Variants in ADAMTS9 observed in about 807,000 individuals in gnomAD.
ADAMTS9 encodes ADAM metallopeptidase with thrombospondin type 1 motif 9.
A neutral mutation model predicts 257.1 loss-of-function variants in ADAMTS9; 107 were observed. The ratio of observed to expected loss-of-function variants is 0.42; its 90% CI spans 0.36 to 0.49. ADAMTS9 has a LOEUF of 0.49. Among genes scored for constraint, ADAMTS9 ranks in the 20% least tolerant of loss-of-function variants. The pLI, the probability that ADAMTS9 is intolerant of heterozygous loss-of-function variation, is 0.03. For synonymous variants in ADAMTS9, 982 were observed against 880.9 expected (o/e 1.11, Z -2.03); for missense variants, 2,353 against 2,469.1 (o/e 0.95, Z 1.00).
chr3:64,546,797 G>C lies in ADAMTS9; in HGVS notation c.5025C>G (p.Cys1675Trp). The change falls in exon 32 of 40, where the codon TGC becomes TGG. Residue 1675 changes from cysteine to tryptophan, a missense_variant. This residue lies in a region of ADAMTS9 where 1,402 missense variants were observed against 1,441.4 expected (regional missense o/e 0.97). Transcript: ENST00000498707. ...CAACTCTCCAGGTGGCCGAGACAGG[G>C]CAGTCCCTCAGGTAACAGGGGTGAA... is the stretch of plus-strand genomic sequence containing the variant. ...PSVHPCYLRD[C>W]PVSATWRVGN... 3.1e-6 allele frequency: 5 copies of C among 1,612,772 alleles called. No individual in the cohort carries two copies. The highest frequency in any genetic ancestry group is 4.2e-6 in the Non-Finnish European group (5 of 1,179,402).
chr3:64,645,125 C>A (rs1700754562), intron 11 of ADAMTS9, among the ~76,000 whole-genome samples: 1 of 152,016 alleles, frequency 6.6e-6, no homozygotes, highest in Non-Finnish European at 1.5e-5. Context: ...AATCACATAG[C>A]AAAATTACTA....
chr3:64,566,226 T>A (rs2106671087), intron 29 of ADAMTS9, among the ~76,000 whole-genome samples: 1 of 152,316 alleles, frequency 6.6e-6, no homozygotes, highest in East Asian at 1.9e-4. Context: ...AGGAAGCCAA[T>A]AATCTTTAAT....
intron 30 of ADAMTS9, among the ~76,000 whole-genome samples, chr3:64,555,679 G>A (rs1019151871): frequency 6.6e-6 from 1 of 152,190 alleles, no homozygotes; most frequent in Non-Finnish European, 1.5e-5. Flanking sequence ...CCATGATGCT[G>A]CAAAGGTGGG....
Position 64,622,346 on chromosome 3 carries a change from A to G in ADAMTS9, c.2557-19T>C. 1.2e-6 allele frequency: 2 copies of G among 1,613,194 alleles called. No individual in the cohort carries two copies. The highest frequency in any genetic ancestry group is 1.3e-5 in the African/African-American group (1 of 74,898). ...ACAAAACCTAGAATGTGTGGACAAA[A>G]CAGAAACGAACTGGGTGGGCTTAGT... On this transcript the variant is annotated intron_variant, in intron 17 of 39. Coordinates refer to ENST00000498707, the MANE Select transcript of ADAMTS9 (RefSeq NM_182920.2).
At chr3:64,639,786 A>G (rs553822000) in intron 12 of ADAMTS9, among the ~76,000 whole-genome samples, 1 of 152,340 alleles carries the variant, frequency 6.6e-6, no homozygotes, top group South Asian at 2.1e-4. Flanking sequence ...AGCTTCAACA[A>G]TACAAGCAAC....
At chr3:64,542,426 C>CT (rs1301932591) in intron 32 of ADAMTS9, among the ~76,000 whole-genome samples, 3 of 20,892 alleles carry the variant, frequency 1.4e-4, no homozygotes, top group Non-Finnish European at 2.4e-4. Flanking sequence ...TCATTTCTTT[C>CT]TTTCTTTTTT....
Position 64,541,348 on chromosome 3 carries a change from C to G in ADAMTS9, c.5359G>C (p.Glu1787Gln). 1 of 1,614,166 alleles carries G rather than the reference C, an allele frequency of 6.2e-7. No homozygotes were observed. Among genetic ancestry groups the G allele is most frequent in the East Asian group, 2.2e-5 (1 of 44,874 alleles). Residue 1787 changes from glutamate to glutamine, a missense_variant, in exon 35 of 40, where the codon GAG becomes CAG. Transcript: ENST00000498707. ...EYVTLVHGDS[E>Q]NFSEVYGHRL... is the part of the protein sequence containing the mutation. ...TGCCCATAAACCTCGGAGAAATTCTCAGAGTCTCCATGCACCAGTGTCACG... is the reference window on the plus strand; with the variant it reads ...TGCCCATAAACCTCGGAGAAATTCTGAGAGTCTCCATGCACCAGTGTCACG...
At chr3:64,556,554 T>G (rs2083335300) in intron 30 of ADAMTS9, among the ~76,000 whole-genome samples, 1 of 152,178 alleles carries the variant, frequency 6.6e-6, no homozygotes, top group Non-Finnish European at 1.5e-5. Flanking sequence ...ACTCTGGGGC[T>G]CAATGATCCT....
intron 6 of ADAMTS9, 74 bp from the exon 7 acceptor site, chr3:64,654,686 G>T (rs961353127): frequency 6.5e-7 from 1 of 1,528,344 alleles, no homozygotes; most frequent in Non-Finnish European, 9.0e-7. Context: ...CTTTAGGGTC[G>T]TCTAGGCATT....
chr3:64,668,861 G>C (rs1701413135), intron 3 of ADAMTS9, among the ~76,000 whole-genome samples: 1 of 152,160 alleles, frequency 6.6e-6, no homozygotes, highest in South Asian at 2.1e-4. Context: ...AAGCGCAGTT[G>C]GGCTGGAGCT....
chr3:64,604,038 C>T lies in ADAMTS9; in HGVS notation c.3631G>A (p.Asp1211Asn). ...GTRMRYVSCRDENGSVADESA... is the reference protein window; with the variant it reads ...GTRMRYVSCRNENGSVADESA... ...TCGTCAGCCACAGAGCCATTCTCAT[C>T]TCGGCAGCTGACGTATCTCATCCGG... Residue 1211 changes from aspartate (D) to asparagine (N), a missense_variant, in exon 25 of 40, where the codon GAT (aspartate) becomes AAT (asparagine). Around this residue, in one of 3 missense-constraint regions of ADAMTS9, gnomAD observed 1,402 missense variants for 1,441.4 expected, o/e 0.97. Transcript: ENST00000498707. 8 of 1,614,126 alleles carry T rather than the reference C, an allele frequency of 5.0e-6. No individual in the cohort carries two copies. The highest frequency in any genetic ancestry group is 5.9e-6 in the Non-Finnish European group (7 of 1,180,000).
intron 27 of ADAMTS9, among the ~76,000 whole-genome samples, chr3:64,595,362 G>GT (rs2084346931): frequency 6.6e-6 from 1 of 152,166 alleles, no homozygotes; most frequent in Non-Finnish European, 1.5e-5. Flanking sequence ...GCAGGAACAC[G>GT]TTGTATTTCT....
In ADAMTS9 at chr3:64,649,734, G is replaced by T. The variant is rs769037778; in HGVS notation, c.1508C>A (p.Pro503His). The change falls in exon 10 of 40, where the codon CCC (proline) becomes CAC (histidine). Residue 503 changes from proline to histidine, a missense_variant. By Grantham distance (77) the Pro-to-His change is moderately conservative. This residue lies in a region of ADAMTS9 where 360 missense variants were observed against 458.1 expected (regional missense o/e 0.79). Transcript: ENST00000498707. ...ECLLNEPESR[P>H]YPLPVQLPGI... ...TGGCAGTTGGACAGGCAAAGGGTAGGGTCTGGATTCAGGTTCGTTAAGCAA... is the reference window on the plus strand; with the variant it reads ...TGGCAGTTGGACAGGCAAAGGGTAGTGTCTGGATTCAGGTTCGTTAAGCAA... The T allele has an allele frequency of 2.5e-6, 4 of 1,613,820 alleles. No individual in the cohort carries two copies. The African/African-American group carries it at 4.0e-5, about 16-fold the overall frequency.
In ADAMTS9 at chr3:64,641,269, TTTTTG is replaced by T. The variant is rs772371844; in HGVS notation, c.1856+574_1856+578del. On this transcript the variant is annotated intron_variant, in intron 12 of 39. Transcript: ENST00000498707. ...ATCTTTTTTTTTTTTGCCTGCTTTT[TTTTTG>T]TTTTGTTTTGTTTTGTTTTTGCTTT... 9.5e-4 allele frequency among the ~76,000 whole-genome samples: 144 copies of T among 152,084 alleles called. 1 individual carries two copies. The East Asian group carries it at 0.013, about 13-fold the overall frequency.
intron 19 of ADAMTS9, among the ~76,000 whole-genome samples, chr3:64,619,696 T>C (rs1700058326): frequency 6.6e-6 from 1 of 152,162 alleles, no homozygotes; most frequent in African/African-American, 2.4e-5. Context: ...AAATAGTTCT[T>C]AGTAAATGGT....
At chr3:64,626,894 G>A (rs1010388052) in intron 16 of ADAMTS9, among the ~76,000 whole-genome samples, 1 of 152,192 alleles carries the variant, frequency 6.6e-6, no homozygotes, top group Non-Finnish European at 1.5e-5. Flanking sequence ...CTCCTGCAGC[G>A]CGAGACCCAT....
intron 28 of ADAMTS9, chr3:64,592,569 T>A (rs753400621): frequency 2.0e-5 from 3 of 152,212 alleles, no homozygotes; most frequent in Non-Finnish European, 2.9e-5. Context: ...CCATGGAAAT[T>A]AATTTATAAT....
rs750225222 is a variant in ADAMTS9, at chr3:64,633,837, T to C, written c.1899A>G (p.Lys633=). ...GGKYCVGRRM[K]FKSCNTEPCL... ...ATGGCTCCGTGTTGCAGGACTTAAA[T>C]TTCATTCTACGTCCTACACAGTATT... Residue 633 remains lysine (K), a synonymous_variant, in exon 13 of 40, where the codon AAA becomes AAG. Coordinates refer to ENST00000498707, the MANE Select transcript of ADAMTS9 (RefSeq NM_182920.2). The C allele has an allele frequency of 2.5e-5, 41 of 1,613,276 alleles. No individual in the cohort carries two copies. In the East Asian group the frequency reaches 9.2e-4, roughly 36 times the overall value.
chr3:64,525,299 A>C (rs1234379028), intron 38 of ADAMTS9, among the ~76,000 whole-genome samples: 2 of 152,184 alleles, frequency 1.3e-5, no homozygotes, highest in Non-Finnish European at 2.9e-5. Context: ...GCTATGAAAA[A>C]GTCCTTCTTT....
Sources: allele counts gnomAD v4.1 joint callset (sites outside exome capture counted in the v4.1 genomes callset), GRCh38; gene constraint gnomAD v4.1.1; regional missense constraint gnomAD v4.1.1; transcripts MANE v1.5; gene names NCBI Gene and HGNC (gene_info 2026-07-23, HGNC 2026-07-21).